KIRREL3: variants seen among roughly 807,000 people sequenced by gnomAD.
KIRREL3 encodes the protein kirre like nephrin family adhesion molecule 3, also known as kin of IRRE-like protein 3.
In KIRREL3, 36 loss-of-function variants were observed where a neutral mutation model predicts 89.7. That is an observed-to-expected ratio of 0.40 (90% CI 0.31 to 0.53). KIRREL3 has a LOEUF of 0.53. Ranked by LOEUF, KIRREL3 falls within the 20% of genes least tolerant of loss-of-function variation. KIRREL3 has a pLI of 0.49. For missense variants in KIRREL3, 864 were observed against 1,056.6 expected (o/e 0.82, Z 2.53); for synonymous variants, 445 against 441.4 (o/e 1.01, Z -0.10).
At chr11:126,842,133 C>A (rs1246082317) in intron 1 of KIRREL3, among the ~76,000 whole-genome samples, 1 of 151,986 alleles carries the variant, frequency 6.6e-6, no homozygotes, top group Admixed American at 6.6e-5. Flanking sequence ...GGAAGGGGAG[C>A]CGCTGAGCCT....
At chr11:126,681,203 C>G (rs1445934222) in intron 1 of KIRREL3, among the ~76,000 whole-genome samples, 4 of 152,194 alleles carry the variant, frequency 2.6e-5, no homozygotes, top group African/African-American at 9.6e-5. Context: ...ACAGCTTACT[C>G]TTTCCCTAGA....
At chr11:126,972,246 G>A (rs900533358) in intron 1 of KIRREL3, among the ~76,000 whole-genome samples, 1 of 135,814 alleles carries the variant, frequency 7.4e-6, no homozygotes, top group African/African-American at 2.6e-5. Flanking sequence ...TCTCCCCCAG[G>A]AATCAGGGTA....
intron 1 of KIRREL3, among the ~76,000 whole-genome samples, chr11:126,674,832 C>G (rs925703687): frequency 6.6e-6 from 1 of 152,090 alleles, no homozygotes; most frequent in African/African-American, 2.4e-5. Flanking sequence ...GTCCCTCAGC[C>G]TGGGCCAGCC....
chr11:126,515,648 C>T lies in KIRREL3; in HGVS notation c.433+5667G>A, dbSNP rs185759134. 1.2e-3 allele frequency among the ~76,000 whole-genome samples: 178 copies of T among 152,190 alleles called. 1 individual carries two copies. Among genetic ancestry groups the T allele is most frequent in the African/African-American group, 4.0e-3 (165 of 41,498 alleles). ...AATGAGGGCCCAGAGGCTTGGTGAG[C>T]GGAAGGAGATGCCAGCTGCTTGTTA... is the stretch of plus-strand genomic sequence containing the variant. On this transcript the variant is annotated intron_variant, in intron 4 of 16. Transcript: ENST00000525144. This position sits in a 1 kb window ranked among gnomAD's most constrained non-coding sequence, Gnocchi z 4.2.
chr11:126,835,662 A>G (rs1943756127), intron 1 of KIRREL3, among the ~76,000 whole-genome samples: 1 of 152,216 alleles, frequency 6.6e-6, no homozygotes, highest in African/African-American at 2.4e-5. Flanking sequence ...AGGGGGACAC[A>G]GATTCTACAT....
At chr11:126,452,281 C>A (rs947544898) in intron 7 of KIRREL3, among the ~76,000 whole-genome samples, 2 of 152,270 alleles carry the variant, frequency 1.3e-5, no homozygotes, top group Non-Finnish European at 2.9e-5. Context: ...GTTTCAATCT[C>A]TTAACTTTGA....
intron 1 of KIRREL3, among the ~76,000 whole-genome samples, chr11:126,945,294 A>G (rs998693123): frequency 1.3e-4 from 20 of 152,254 alleles, no homozygotes; most frequent in African/African-American, 4.6e-4. Context: ...TCAGCTACAT[A>G]TCAGCAACAT....
chr11:126,782,788 T>G lies in KIRREL3; in HGVS notation c.55+217667A>C, dbSNP rs542042309. On this transcript the variant is annotated intron_variant, in intron 1 of 16. Transcript: ENST00000525144. The surrounding 1 kb of genome is among the most constrained non-coding windows in gnomAD (Gnocchi z 4.1). The stretch of plus-strand genomic sequence containing the variant: ...ATGTATGGAAATATTTATAGCTATG[T>G]ATATGTGAGGGCTAATATACACACA... 2.6e-5 allele frequency among the ~76,000 whole-genome samples: 4 copies of G among 152,342 alleles called. No individual in the cohort carries two copies. Among genetic ancestry groups the G allele is most frequent in the African/African-American group, 9.6e-5 (4 of 41,586 alleles).
chr11:126,961,665 C>A (rs775397567), intron 1 of KIRREL3, among the ~76,000 whole-genome samples: 1 of 152,206 alleles, frequency 6.6e-6, no homozygotes, highest in Non-Finnish European at 1.5e-5. Context: ...TGCAGAAGAT[C>A]TAGCTAAGAT....
In KIRREL3 at chr11:126,645,644, G is replaced by C. The variant is rs542460485; in HGVS notation, c.56-82732C>G. Among the ~76,000 whole-genome samples, 9 of 152,198 alleles carry C rather than the reference G, an allele frequency of 5.9e-5. No individual in the cohort carries two copies. Among genetic ancestry groups the C allele is most frequent in the East Asian group, 5.8e-4 (3 of 5,204 alleles). ...ATTCTAGGTTTCTGAAGAAGAAAAG[G>C]TAAGAAGGACTCTCAAAGCCTTTGT... is the stretch of plus-strand genomic sequence containing the variant. On this transcript the variant is annotated intron_variant, in intron 1 of 16. Coordinates refer to ENST00000525144, the MANE Select transcript of KIRREL3 (RefSeq NM_032531.4). This position sits in a 1 kb window ranked among gnomAD's most constrained non-coding sequence, Gnocchi z 4.9.
At chr11:126,847,134 C>T (rs143619078) in intron 1 of KIRREL3, among the ~76,000 whole-genome samples, 58 of 151,980 alleles carry the variant, frequency 3.8e-4, no homozygotes, top group Non-Finnish European at 6.9e-4. Flanking sequence ...AGTATACCAA[C>T]GGAAGGGTGA....
intron 1 of KIRREL3, among the ~76,000 whole-genome samples, chr11:126,667,622 G>A (rs1035867536): frequency 6.6e-6 from 1 of 152,044 alleles, no homozygotes; most frequent in Non-Finnish European, 1.5e-5. Context: ...TTTATTCTAC[G>A]ATCTTTTCCC....
chr11:126,911,845 C>T (rs1379466955), intron 1 of KIRREL3, among the ~76,000 whole-genome samples: 16 of 151,992 alleles, frequency 1.1e-4, no homozygotes, highest in East Asian at 3.9e-4. Flanking sequence ...TAGCCGGGCG[C>T]GGTGGCGGGT....
intron 2 of KIRREL3, among the ~76,000 whole-genome samples, chr11:126,540,561 G>T (rs1938283605): frequency 6.6e-6 from 1 of 152,248 alleles, no homozygotes; most frequent in Admixed American, 6.5e-5. Flanking sequence ...CTGATGATCA[G>T]GCTCGCGGCC....
At position 126,430,137 on chromosome 11, in the gene KIRREL3, CAAAA is replaced by C. The variant is rs138112843; in HGVS notation, c.1697-853_1697-850del. ...TGGGCAACAGGATGAGACTCTGTCT[CAAAA>C]AAAAAAAAGGAAATTCTTGAGGAGC... On this transcript the variant is annotated intron_variant, in intron 14 of 16. Coordinates refer to ENST00000525144, the MANE Select transcript of KIRREL3 (RefSeq NM_032531.4). This position sits in a 1 kb window ranked among gnomAD's most constrained non-coding sequence, Gnocchi z 6.6. Among the ~76,000 whole-genome samples, 2 of 127,676 alleles carry C rather than the reference CAAAA, an allele frequency of 1.6e-5. No individual in the cohort carries two copies. Among genetic ancestry groups the C allele is most frequent in the Non-Finnish European group, 3.3e-5 (2 of 60,664 alleles). The allele number at this position is 127,676 out of a possible 152,430, so 83.8% of individuals were successfully genotyped here. A position where few individuals can be genotyped will look rare whatever the true frequency, so the allele number is the denominator to read the frequency against.
chr11:126,788,533 A>C lies in KIRREL3; in HGVS notation c.55+211922T>G, dbSNP rs1322202190. 6.6e-6 allele frequency among the ~76,000 whole-genome samples: 1 copy of C among 152,194 alleles called. No homozygotes were observed. The highest frequency in any genetic ancestry group is 1.5e-5 in the Non-Finnish European group (1 of 68,044). ...GCCACTTCTCAGGGTATCCACCTGG[A>C]GAGAAGCCTGCAGCATTAAGCTCAC... is the stretch of plus-strand genomic sequence containing the variant. On this transcript the variant is annotated intron_variant, in intron 1 of 16. Transcript: ENST00000525144. This position sits in a 1 kb window ranked among gnomAD's most constrained non-coding sequence, Gnocchi z 4.1.
intron 12 of KIRREL3, among the ~76,000 whole-genome samples, chr11:126,436,153 C>T (rs80035373): frequency 0.14 from 21,213 of 152,148 alleles, 1,642 homozygotes; most frequent in Non-Finnish European, 0.18. Context: ...GAGGCTTGTT[C>T]CTCCTGCCTC....
rs1193697610 is a variant in KIRREL3 at position 126,999,347 on chromosome 11, T to C, written c.55+1108A>G. 6.6e-6 allele frequency among the ~76,000 whole-genome samples: 1 copy of C among 152,140 alleles called. No homozygotes were observed. The highest frequency in any genetic ancestry group is 2.4e-5 in the African/African-American group (1 of 41,420). The stretch of plus-strand genomic sequence containing the variant: ...AGAAGAAGGAAGCCAGGTTTTTGCT[T>C]ATATTTGGCTTCTCCCCGACAGGGG... On this transcript the variant is annotated intron_variant, in intron 1 of 16. Coordinates refer to ENST00000525144, the MANE Select transcript of KIRREL3 (RefSeq NM_032531.4). The surrounding 1 kb of genome is among the most constrained non-coding windows in gnomAD (Gnocchi z 5.7).
chr11:126,790,236 C>G (rs1950596715), intron 1 of KIRREL3, among the ~76,000 whole-genome samples: 1 of 152,198 alleles, frequency 6.6e-6, no homozygotes, highest in Non-Finnish European at 1.5e-5. Flanking sequence ...TTGCACTGGG[C>G]TTTAAGCATT....
Sources: allele counts gnomAD v4.1 joint callset (sites outside exome capture counted in the v4.1 genomes callset), GRCh38; gene constraint gnomAD v4.1.1; non-coding constraint Gnocchi (gnomAD v3.1); transcripts MANE v1.5; gene names NCBI Gene and HGNC (gene_info 2026-07-23, HGNC 2026-07-21).